Variants in ACCSL observed in about 807,000 individuals in gnomAD.
The protein encoded by ACCSL is probable inactive 1-aminocyclopropane-1-carboxylate synthase-like protein 2.
In ACCSL, 55 loss-of-function variants were observed where a neutral mutation model predicts 61.7. The observed-to-expected ratio is 0.89, with a 90% CI of 0.72 to 1.12. ACCSL has a LOEUF of 1.12. Ranked by LOEUF, ACCSL falls within the 50% of genes most tolerant of loss-of-function variation. The pLI, the probability that ACCSL is intolerant of heterozygous loss-of-function variation, is 0.00. For missense variants in ACCSL, 632 were observed against 698.0 expected (o/e 0.91, Z 1.07); for synonymous variants, 258 against 264.3 (o/e 0.98, Z 0.23).
At chr11:43,970,875 G>A in the ACCSL span, among the ~76,000 whole-genome samples, 1 of 152,116 alleles carries the variant, frequency 6.6e-6, no homozygotes, top group African/African-American at 2.4e-5. Flanking sequence ...TAAGAGCAGG[G>A]CCTATGTTTG....
chr11:43,966,122 C>T, the ACCSL span, among the ~76,000 whole-genome samples: 1 of 152,118 alleles, frequency 6.6e-6, no homozygotes, highest in South Asian at 2.1e-4. Flanking sequence ...ATAAATTGCA[C>T]TTCATCAAAA....
chr11:43,943,530 C>G, the ACCSL span: 3 of 1,329,364 alleles, frequency 2.3e-6, no homozygotes, highest in Non-Finnish European at 3.0e-6. This position sits in a 1 kb window ranked among gnomAD's most constrained non-coding sequence, Gnocchi z 4.8. Flanking sequence ...CTTCCCAGTG[C>G]GAACTCTGCT....
chr11:43,927,320 T>C, the ACCSL span, among the ~76,000 whole-genome samples: 1 of 152,210 alleles, frequency 6.6e-6, no homozygotes, highest in Non-Finnish European at 1.5e-5. Flanking sequence ...CTTTTGTTGG[T>C]TTTGGAAATC....
the ACCSL span, among the ~76,000 whole-genome samples, chr11:44,030,057 ATTTTT>A: frequency 0.035 from 156 of 4,452 alleles, 6 homozygotes; most frequent in African/African-American, 0.13. Flanking sequence ...TCTTTGGTTG[ATTTTT>A]TTTTTTTTTT....
upstream of ACCSL, among the ~76,000 whole-genome samples, chr11:44,044,399 A>T (rs1478361298): frequency 6.6e-6 from 1 of 152,190 alleles, no homozygotes; most frequent in African/African-American, 2.4e-5. Flanking sequence ...TTCTTCCAAC[A>T]TCCTACAGTT....
At chr11:43,999,810 C>T in the ACCSL span, among the ~76,000 whole-genome samples, 1 of 151,964 alleles carries the variant, frequency 6.6e-6, no homozygotes, top group African/African-American at 2.4e-5. Flanking sequence ...ATAATCTGCT[C>T]TCAGTATCTG....
upstream of ACCSL, chr11:44,047,889 A>C: frequency 9.7e-7 from 1 of 1,035,330 alleles, no homozygotes; most frequent in Non-Finnish European, 1.4e-6. Context: ...CAAGGCATGG[A>C]AGTGAGAAGA....
chr11:43,922,771 C>A, the ACCSL span, among the ~76,000 whole-genome samples: 1 of 152,156 alleles, frequency 6.6e-6, no homozygotes, highest in Non-Finnish European at 1.5e-5. Context: ...CACTTGGGGA[C>A]CCTGAATGAC....
the ACCSL span, among the ~76,000 whole-genome samples, chr11:44,027,293 T>A: frequency 1.3e-5 from 2 of 152,200 alleles, no homozygotes; most frequent in Non-Finnish European, 2.9e-5. Context: ...CCTTCTTAGA[T>A]CTTTCATGGG....
chr11:43,963,308 G>A, the ACCSL span, among the ~76,000 whole-genome samples: 2 of 152,218 alleles, frequency 1.3e-5, no homozygotes, highest in Non-Finnish European at 2.9e-5. Flanking sequence ...CATGAAGCTA[G>A]ACAATTGACA....
At chr11:44,000,180 A>G in the ACCSL span, among the ~76,000 whole-genome samples, 1 of 150,348 alleles carries the variant, frequency 6.7e-6, no homozygotes, top group East Asian at 2.1e-4. Flanking sequence ...GCTGGAGTGC[A>G]GTGGCACGAT....
At chr11:43,992,471 A>G in the ACCSL span, among the ~76,000 whole-genome samples, 18 of 152,268 alleles carry the variant, frequency 1.2e-4, no homozygotes, top group Middle Eastern at 3.4e-3. Flanking sequence ...CTTCCAGTAC[A>G]TACCTTCCCA....
chr11:43,961,685 T>C, the ACCSL span, among the ~76,000 whole-genome samples: 1 of 148,330 alleles, frequency 6.7e-6, no homozygotes, highest in East Asian at 2.0e-4. Context: ...CTTCTTTCTT[T>C]GGTCATATTG....
At chr11:43,984,570 G>T in the ACCSL span, among the ~76,000 whole-genome samples, 10 of 152,332 alleles carry the variant, frequency 6.6e-5, no homozygotes, top group South Asian at 1.9e-3. Flanking sequence ...GGAATGCTGG[G>T]ACCAGACACT....
At chr11:44,028,665 A>C in the ACCSL span, among the ~76,000 whole-genome samples, 4 of 152,108 alleles carry the variant, frequency 2.6e-5, no homozygotes, top group African/African-American at 9.7e-5. Flanking sequence ...AAGCTTCTGC[A>C]CCCAAATCCT....
chr11:43,994,626 G>GTAT, the ACCSL span, among the ~76,000 whole-genome samples: 43 of 150,106 alleles, frequency 2.9e-4, no homozygotes, highest in African/African-American at 5.9e-4. Flanking sequence ...TACTAAATAT[G>GTAT]TATTATTATT....
At position 44,052,978 on chromosome 11, in the gene ACCSL, G is replaced by C; in HGVS notation, c.871-13G>C. ...TTTTAAGAGACACTTCTCACATAGT[G>C]TTTCTCTTCCAGGTCACTGTTACAA... On this transcript the variant is annotated splice_polypyrimidine_tract_variant and intron_variant, in intron 6 of 13. Transcript: ENST00000378832. 1 of 1,611,870 alleles carries C rather than the reference G, an allele frequency of 6.2e-7. No homozygotes were observed. Among genetic ancestry groups the C allele is most frequent in the South Asian group, 1.1e-5 (1 of 91,024 alleles).
At chr11:44,042,976 G>T in the ACCSL span, among the ~76,000 whole-genome samples, 1 of 151,664 alleles carries the variant, frequency 6.6e-6, no homozygotes, top group African/African-American at 2.4e-5. Context: ...CCAGTTACTC[G>T]GGATGCTGAG....
the ACCSL span, among the ~76,000 whole-genome samples, chr11:43,957,751 G>T: frequency 2.0e-5 from 3 of 152,196 alleles, no homozygotes; most frequent in Non-Finnish European, 4.4e-5. Context: ...AGAGTGTTTT[G>T]TCAGTCTTAT....
Sources: gnomAD v4.1 joint callset for allele counts (sites outside exome capture counted in the v4.1 genomes callset) on GRCh38, gnomAD v4.1.1 for gene constraint, Gnocchi (gnomAD v3.1) non-coding constraint, MANE v1.5 for transcripts, NCBI Gene and HGNC (gene_info 2026-07-23, HGNC 2026-07-21) for gene names.